Variants in HOXB8 observed in about 807,000 individuals in gnomAD.
HOXB8 encodes homeobox B8, also known as homeobox protein Hox-B8.
A neutral mutation model predicts 22.2 loss-of-function variants in HOXB8; 17 were observed. The observed-to-expected ratio is 0.77, with a 90% confidence interval of 0.53 to 1.15. The LOEUF (loss-of-function observed/expected upper bound fraction) is 1.15, where lower values mean the gene tolerates loss of function less well. Among genes scored for constraint, HOXB8 ranks in the 50% most tolerant of loss-of-function variants. The pLI, the probability that HOXB8 is intolerant of heterozygous loss-of-function variation, is 0.00. For synonymous variants in HOXB8, 156 were observed against 144.6 expected (o/e 1.08, Z -0.57); for missense variants, 287 against 323.8 (o/e 0.89, Z 0.87).
chr17:48,614,733 G>A lies in HOXB8; in HGVS notation c.-29C>T. 6.7e-7 allele frequency: 1 copy of A among 1,482,300 alleles called. No individual in the cohort carries two copies. The highest frequency in any genetic ancestry group is 9.0e-7 in the Non-Finnish European group (1 of 1,112,440). 91.8% of individuals were successfully genotyped at this position (1,482,300 alleles called of 1,614,324 possible). A position where few individuals can be genotyped will look rare whatever the true frequency, so the allele number is the denominator to read the frequency against. On this transcript the variant is annotated 5_prime_UTR_variant, in exon 1 of 2. Transcript: ENST00000239144. The surrounding 1 kb of genome is among the most constrained non-coding windows in gnomAD (Gnocchi z 4.1). ...ATTGAATTTTGAGGCGGCGGCGGCG[G>A]CGGAGGCTATAGTTGGGGGCTGTTG...
chr17:48,613,122 G>T lies in HOXB8; in HGVS notation c.*80C>A. The T allele has an allele frequency of 9.7e-7, 1 of 1,027,096 alleles. No homozygotes were observed. Among genetic ancestry groups the T allele is most frequent in the Non-Finnish European group, 1.2e-6 (1 of 821,134 alleles). The allele number at this position is 1,027,096 out of a possible 1,614,324, so 63.6% of individuals were successfully genotyped here. A position where few individuals can be genotyped will look rare whatever the true frequency, so the allele number is the denominator to read the frequency against. On this transcript the variant is annotated 3_prime_UTR_variant, in exon 2 of 2. Transcript: ENST00000239144. ...CCGCTAGCGGGGCCAGAGCTCTCTC[G>T]GGCAGGGGCGCGCGGCGGCGGCGCG...
chr17:48,613,244 C>A lies in HOXB8; in HGVS notation c.690G>T (p.Glu230Asp). Residue 230 changes from glutamate (E) to aspartate (D), a missense_variant, in exon 2 of 2, where the codon GAG (glutamate) becomes GAT (aspartate). Coordinates refer to ENST00000239144, the MANE Select transcript of HOXB8 (RefSeq NM_024016.4). ...TCTGCGCGTCGCCCTCGTCCGCCGC[C>A]TCTGGGGCCCGCTCCAGCTTCTGTT... ...LEKQKLERAPEAADEGDAQKG... is the reference protein window; with the variant it reads ...LEKQKLERAPDAADEGDAQKG... 6.2e-7 allele frequency: 1 copy of A among 1,613,642 alleles called. No homozygotes were observed. Among genetic ancestry groups the A allele is most frequent in the Non-Finnish European group, 8.5e-7 (1 of 1,179,746 alleles).
In HOXB8 at chr17:48,614,499, T is replaced by A; in HGVS notation, c.206A>T (p.Tyr69Phe). Residue 69 changes from tyrosine (Y) to phenylalanine (F), a missense_variant, in exon 1 of 2, where the codon TAC (tyrosine) becomes TTC (phenylalanine). Coordinates refer to ENST00000239144, the MANE Select transcript of HOXB8 (RefSeq NM_024016.4). The surrounding 1 kb of genome is among the most constrained non-coding windows in gnomAD (Gnocchi z 4.1). ...HGPSSLSTAP[Y>F]QQNPCAVACH... ...CGCCACGGCGCACGGGTTCTGCTGG[T>A]AGGGAGCCGTGGACAGCGACGACGG... 1 of 1,613,872 alleles carries A rather than the reference T, an allele frequency of 6.2e-7. No individual in the cohort carries two copies. Among genetic ancestry groups the A allele is most frequent in the Non-Finnish European group, 8.5e-7 (1 of 1,179,910 alleles).
In HOXB8 at chr17:48,614,731, C is replaced by T; in HGVS notation, c.-27G>A. 5 of 526,362 alleles carry T rather than the reference C, an allele frequency of 9.5e-6. No individual in the cohort carries two copies. The highest frequency in any genetic ancestry group is 6.8e-6 in the Non-Finnish European group (3 of 443,932). The allele number at this position is 526,362 out of a possible 1,614,324, so 32.6% of individuals were successfully genotyped here. Reference sequence around the variant, plus strand: ...TTATTGAATTTTGAGGCGGCGGCGGCGGCGGAGGCTATAGTTGGGGGCTGT... The same window carrying T: ...TTATTGAATTTTGAGGCGGCGGCGGTGGCGGAGGCTATAGTTGGGGGCTGT... On this transcript the variant is annotated 5_prime_UTR_variant, in exon 1 of 2. Transcript: ENST00000239144. The surrounding 1 kb of genome is among the most constrained non-coding windows in gnomAD (Gnocchi z 4.1).
chr17:48,614,311 T>A lies in HOXB8; in HGVS notation c.394A>T (p.Thr132Ser). 6.4e-7 allele frequency: 1 copy of A among 1,553,022 alleles called. No individual in the cohort carries two copies. Among genetic ancestry groups the A allele is most frequent in the Admixed American group, 2.0e-5 (1 of 50,908 alleles). Residue 132 changes from threonine to serine, a missense_variant, in exon 1 of 2, where the codon ACA becomes TCA. This residue lies in a region of HOXB8 where 229 missense variants were observed against 239.8 expected (regional missense o/e 0.95). Transcript: ENST00000239144. The surrounding 1 kb of genome is among the most constrained non-coding windows in gnomAD (Gnocchi z 4.1). ...AEGSEQSPSP[T>S]QLFPWMRPQA... is the part of the protein sequence containing the mutation. ...GGGCGCATCCAGGGGAAGAGCTGTG[T>A]GGGCGACGGGCTCTGCTCGGAGCCC...
Position 48,614,441 on chromosome 17 carries a change from G to A in HOXB8, c.264C>T (p.Tyr88=), listed in dbSNP as rs764396578. The A allele has an allele frequency of 1.2e-6, 2 of 1,613,898 alleles. No homozygotes were observed. The highest frequency in any genetic ancestry group is 1.7e-6 in the Non-Finnish European group (2 of 1,179,914). ...CHGDPGNFYG[Y]DPLQRQSLFG... ...ATAGGCTCTGGCGTTGCAGCGGGTC[G>A]TAGCCGTAGAAATTGCCGGGGTCCC... Residue 88 remains tyrosine (Y), a synonymous_variant, in exon 1 of 2, where the codon TAC becomes TAT. Coordinates refer to ENST00000239144, the MANE Select transcript of HOXB8 (RefSeq NM_024016.4). This position sits in a 1 kb window ranked among gnomAD's most constrained non-coding sequence, Gnocchi z 4.1.
intron 1 of HOXB8, 85 bp from the exon 2 acceptor site, chr17:48,613,594 C>G (rs1388017247): frequency 9.0e-6 from 9 of 999,206 alleles, no homozygotes; most frequent in Non-Finnish European, 1.3e-5. Flanking sequence ...GATTCGTGAA[C>G]GAGCCTGGGA....
Position 48,613,265 on chromosome 17 carries a change from C to CTGTT in HOXB8, c.665_668dup (p.Lys224ThrfsTer81). On this transcript the variant is annotated frameshift_variant, in exon 2 of 2. Transcript: ENST00000239144. LOFTEE classifies it low-confidence loss of function (END_TRUNC). ...CCGCCTCTGGGGCCCGCTCCAGCTT[C>CTGTT]TGTTTCTCCAGCTCCTCCTGCTCGC... 1 of 1,613,916 alleles carries CTGTT rather than the reference C, an allele frequency of 6.2e-7. No homozygotes were observed. The highest frequency in any genetic ancestry group is 8.5e-7 in the Non-Finnish European group (1 of 1,179,888).
rs375874402 is a variant in HOXB8 at position 48,613,649 on chromosome 17, C to CGGGG, written c.425-144_425-141dup. 93 of 307,644 alleles carry CGGGG rather than the reference C, an allele frequency of 3.0e-4. 1 individual carries two copies. The highest frequency in any genetic ancestry group is 2.8e-3 in the African/African-American group (89 of 31,952). The allele number at this position is 307,644 out of a possible 1,614,324, so 19.1% of individuals were successfully genotyped here. ...GGGGACCTTCTACCCCGTGCGGGGG[C>CGGGG]GGGGGGGGCGCAAGAAGGCCGCGGT... On this transcript the variant is annotated intron_variant, in intron 1 of 1. Transcript: ENST00000239144.
At chr17:48,613,774 G>T (rs1211951774) in intron 1 of HOXB8, among the ~76,000 whole-genome samples, 1 of 152,134 alleles carries the variant, frequency 6.6e-6, no homozygotes. Flanking sequence ...GAGTTGTGTA[G>T]GAGGTGGTTC....
chr17:48,613,127 G>A lies in HOXB8; in HGVS notation c.*75C>T, dbSNP rs2070675331. On this transcript the variant is annotated 3_prime_UTR_variant, in exon 2 of 2. Coordinates refer to ENST00000239144, the MANE Select transcript of HOXB8 (RefSeq NM_024016.4). ...AGCGGGGCCAGAGCTCTCTCGGGCA[G>A]GGGCGCGCGGCGGCGGCGCGGCCGG... 3.7e-6 allele frequency: 4 copies of A among 1,077,862 alleles called. No individual in the cohort carries two copies. Among genetic ancestry groups the A allele is most frequent in the South Asian group, 8.9e-5 (2 of 22,588 alleles). 66.8% of individuals were successfully genotyped at this position (1,077,862 alleles called of 1,614,324 possible).
chr17:48,613,667 G>A (rs937660253), intron 1 of HOXB8, among the ~76,000 whole-genome samples, 158 bp from the exon 2 acceptor site: 1 of 151,774 alleles, frequency 6.6e-6, no homozygotes, highest in Non-Finnish European at 1.5e-5. Context: ...GCGCAAGAAG[G>A]CCGCGGTCGG....
Position 48,614,188 on chromosome 17 carries a change from T to A in HOXB8, c.424+93A>T. The A allele has an allele frequency of 9.5e-7, 1 of 1,047,828 alleles. No homozygotes were observed. The highest frequency in any genetic ancestry group is 1.3e-6 in the Non-Finnish European group (1 of 761,866). The allele number at this position is 1,047,828 out of a possible 1,614,324, so 64.9% of individuals were successfully genotyped here. On this transcript the variant is annotated intron_variant, in intron 1 of 1. Transcript: ENST00000239144. The surrounding 1 kb of genome is among the most constrained non-coding windows in gnomAD (Gnocchi z 4.1). ...AGGCGATCGGAACGGAGCCGGCAAGTCTTCCAGAAGCTGGAGGAAATGCGC... is the reference window on the plus strand; with the variant it reads ...AGGCGATCGGAACGGAGCCGGCAAGACTTCCAGAAGCTGGAGGAAATGCGC...
rs2070696981 is a variant in HOXB8 at position 48,614,360 on chromosome 17, G to A, written c.345C>T (p.Ala115=). ...VQYADCKLAA[A]SGLGEEAEGS... ...CCTCGGCCTCCTCGCCCAGGCCGCT[G>A]GCGGCGGCAAGCTTGCAGTCTGCGT... The change falls in exon 1 of 2, where the codon GCC becomes GCT. Residue 115 remains alanine, a synonymous_variant. Transcript: ENST00000239144. This position sits in a 1 kb window ranked among gnomAD's most constrained non-coding sequence, Gnocchi z 4.1. 1 of 1,606,292 alleles carries A rather than the reference G, an allele frequency of 6.2e-7. No individual in the cohort carries two copies. Among genetic ancestry groups the A allele is most frequent in the Non-Finnish European group, 8.5e-7 (1 of 1,178,322 alleles).
rs1240677561 is a variant in HOXB8, at chr17:48,615,230, CGAGAGA to C, written c.-532_-527del. ...ACAGAACGCAGAGCGAGGGTGAGAG[CGAGAGA>C]GAGCGAGCGAGAGAGAGAGCTAGAG... On this transcript the variant is annotated 5_prime_UTR_variant, in exon 1 of 2. Coordinates refer to ENST00000239144, the MANE Select transcript of HOXB8 (RefSeq NM_024016.4). Among the ~76,000 whole-genome samples, 5 of 112,652 alleles carry C rather than the reference CGAGAGA, an allele frequency of 4.4e-5. No individual in the cohort carries two copies. In the South Asian group the frequency reaches 8.4e-4, roughly 19 times the overall value. 73.9% of individuals were successfully genotyped at this position (112,652 alleles called of 152,430 possible).
Position 48,613,157 on chromosome 17 carries a change from C to T in HOXB8, c.*45G>A, listed in dbSNP as rs1597889681. On this transcript the variant is annotated 3_prime_UTR_variant, in exon 2 of 2. Transcript: ENST00000239144. The stretch of plus-strand genomic sequence containing the variant: ...GCGCGGCGGCGGCGCGGCCGGGACC[C>T]GCGGACGTGCGGGCGGCCGCGGCCC... The T allele has an allele frequency of 7.6e-7, 1 of 1,313,020 alleles. No individual in the cohort carries two copies. The highest frequency in any genetic ancestry group is 9.7e-7 in the Non-Finnish European group (1 of 1,027,352). The allele number at this position is 1,313,020 out of a possible 1,614,324, so 81.3% of individuals were successfully genotyped here.
Position 48,614,395 on chromosome 17 carries a change from G to A in HOXB8, c.310C>T (p.Leu104=), listed in dbSNP as rs780049802. 1.9e-6 allele frequency: 3 copies of A among 1,613,172 alleles called. No individual in the cohort carries two copies. The highest frequency in any genetic ancestry group is 2.5e-6 in the Non-Finnish European group (3 of 1,179,880). ...AGCTTGCAGTCTGCGTACTGCACCA[G>A]GTCTGGATCCTGCGCACCGAATAGG... is the stretch of plus-strand genomic sequence containing the variant. ...QSLFGAQDPD[L]VQYADCKLAA... is the part of the protein sequence containing the mutation. Residue 104 remains leucine (L), a synonymous_variant, in exon 1 of 2, where the codon CTG becomes TTG. Coordinates refer to ENST00000239144, the MANE Select transcript of HOXB8 (RefSeq NM_024016.4). The surrounding 1 kb of genome is among the most constrained non-coding windows in gnomAD (Gnocchi z 4.1).
chr17:48,614,257 T>G lies in HOXB8; in HGVS notation c.424+24A>C, dbSNP rs1439559560. The G allele has an allele frequency of 6.8e-7, 1 of 1,466,804 alleles. No individual in the cohort carries two copies. Among genetic ancestry groups the G allele is most frequent in the East Asian group, 2.4e-5 (1 of 41,014 alleles). The allele number at this position is 1,466,804 out of a possible 1,614,324, so 90.9% of individuals were successfully genotyped here. A position where few individuals can be genotyped will look rare whatever the true frequency, so the allele number is the denominator to read the frequency against. On this transcript the variant is annotated intron_variant, in intron 1 of 1. Transcript: ENST00000239144. The surrounding 1 kb of genome is among the most constrained non-coding windows in gnomAD (Gnocchi z 4.1). ...GGGCCCTTCCGGCCCCCTCCTGCCC[T>G]TGTCGGCCCCGAGGCGAGCTCACCT...
rs770390441 is a variant in HOXB8 at position 48,614,552 on chromosome 17, C to T, written c.153G>A (p.Pro51=). 3.1e-6 allele frequency: 5 copies of T among 1,612,858 alleles called. No homozygotes were observed. In the South Asian group the frequency reaches 4.4e-5, roughly 14 times the overall value. Residue 51 remains proline, a synonymous_variant, in exon 1 of 2, where the codon CCG becomes CCA. Transcript: ENST00000239144. This position sits in a 1 kb window ranked among gnomAD's most constrained non-coding sequence, Gnocchi z 4.1. ...GPSSGGSFQH[P]SQIQEFYHGP... ...CGTGGTAGAACTCCTGGATTTGCGA[C>T]GGGTGCTGGAAGCTGCCGCCGCTGC...
Sources: gnomAD v4.1 joint callset for allele counts (sites outside exome capture counted in the v4.1 genomes callset) on GRCh38, gnomAD v4.1.1 for gene constraint, gnomAD v4.1.1 regional missense constraint, Gnocchi (gnomAD v3.1) non-coding constraint, MANE v1.5 for transcripts, NCBI Gene and HGNC (gene_info 2026-07-23, HGNC 2026-07-21) for gene names.